Variants in KLF12 observed in about 807,000 individuals in gnomAD.
KLF12 encodes the protein Krueppel-like factor 12.
In KLF12, 9 loss-of-function variants were observed where a neutral mutation model predicts 37.8. That is an observed-to-expected ratio of 0.24 (90% CI 0.14 to 0.42). KLF12 has a LOEUF of 0.42. KLF12 is among the 10% of genes least tolerant of loss of function. The pLI is 1.00. For missense variants in KLF12, 411 were observed against 516.0 expected (o/e 0.80, Z 1.97); for synonymous variants, 208 against 202.1 (o/e 1.03, Z -0.25).
chr13:73,949,775 C>G (rs1344321427), intron 2 of KLF12, among the ~76,000 whole-genome samples: 2 of 152,160 alleles, frequency 1.3e-5, no homozygotes, highest in South Asian at 4.1e-4. Flanking sequence ...AATCAAAGTA[C>G]CAGAAGTGGG....
chr13:74,128,399 C>G (rs1215631761), intron 1 of KLF12, among the ~76,000 whole-genome samples: 1 of 93,030 alleles, frequency 1.1e-5, no homozygotes, highest in East Asian at 9.2e-4. Context: ...AGTGCTTTTC[C>G]TATCAAATCA....
At chr13:74,080,937 TA>T (rs1284883579) in intron 1 of KLF12, among the ~76,000 whole-genome samples, 3 of 152,158 alleles carry the variant, frequency 2.0e-5, no homozygotes, top group African/African-American at 7.2e-5. Context: ...ACTGAACTGA[TA>T]ACAGTGGGAG....
intron 3 of KLF12, among the ~76,000 whole-genome samples, chr13:73,864,506 T>A (rs571327958): frequency 3.9e-5 from 6 of 152,064 alleles, no homozygotes; most frequent in Non-Finnish European, 8.8e-5. Flanking sequence ...AGATTGTAAA[T>A]AGTCCCCAGT....
intron 3 of KLF12, among the ~76,000 whole-genome samples, chr13:73,942,970 T>C (rs1890255376): frequency 6.6e-6 from 1 of 152,208 alleles, no homozygotes; most frequent in Admixed American, 6.5e-5. Context: ...ATCCATAACC[T>C]TGAATGTTCT....
intron 5 of KLF12, among the ~76,000 whole-genome samples, chr13:73,797,967 T>C (rs1196061333): frequency 6.6e-6 from 1 of 152,122 alleles, no homozygotes; most frequent in Non-Finnish European, 1.5e-5. Flanking sequence ...TATTACTCAT[T>C]TTCATGACTA....
At chr13:73,742,420 CT>C (rs1406613450) in intron 6 of KLF12, among the ~76,000 whole-genome samples, 3 of 152,092 alleles carry the variant, frequency 2.0e-5, no homozygotes, top group Non-Finnish European at 2.9e-5. Context: ...TTTCATTGAA[CT>C]TTTTGGTATT....
chr13:73,915,000 A>T (rs1888749094), intron 3 of KLF12, among the ~76,000 whole-genome samples: 1 of 152,204 alleles, frequency 6.6e-6, no homozygotes. Context: ...GGAAGCCTGA[A>T]GTCCAAAATA....
upstream of KLF12, among the ~76,000 whole-genome samples, chr13:74,134,059 C>T (rs1054297342): frequency 5.3e-5 from 8 of 151,778 alleles, no homozygotes; most frequent in Admixed American, 2.0e-4. Context: ...GGGAGCCTCG[C>T]CAGGCCCGCA....
chr13:73,752,632 CCTT>C (rs1222541522), intron 6 of KLF12, among the ~76,000 whole-genome samples: 2 of 152,138 alleles, frequency 1.3e-5, no homozygotes, highest in African/African-American at 2.4e-5. Flanking sequence ...CCACTTCTCT[CCTT>C]CTGTGGATAC....
intron 4 of KLF12, among the ~76,000 whole-genome samples, chr13:73,833,130 A>C (rs1005375195): frequency 1.3e-5 from 2 of 152,264 alleles, no homozygotes; most frequent in South Asian, 4.1e-4. Flanking sequence ...TTACTATTAT[A>C]TAAGAAACTT....
intron 1 of KLF12, among the ~76,000 whole-genome samples, chr13:74,013,117 C>G (rs1892591596): frequency 6.6e-6 from 1 of 152,336 alleles, no homozygotes; most frequent in Admixed American, 6.5e-5. Context: ...AAAGGCCCCT[C>G]ATGGGAACGG....
In KLF12 at chr13:73,695,630, T is replaced by C; in HGVS notation, c.1069A>G (p.Lys357Glu). The C allele has an allele frequency of 6.2e-7, 1 of 1,614,090 alleles. No homozygotes were observed. The highest frequency in any genetic ancestry group is 1.1e-5 in the South Asian group (1 of 91,082). The stretch of plus-strand genomic sequence containing the variant: ...GTCAGTTCATCTGAACGAGCGAACT[T>C]CCAGGTGCAGCCTTCCCAGGTACAC... Residue 357 changes from lysine to glutamate, a missense_variant, in exon 8 of 8, where the codon AAG becomes GAG. This residue lies in a region of KLF12 where 60 missense variants were observed against 118.2 expected (regional missense o/e 0.51). Coordinates refer to ENST00000377669, the MANE Select transcript of KLF12 (RefSeq NM_007249.5).
At chr13:73,943,465 T>C (rs528996988) in intron 3 of KLF12, among the ~76,000 whole-genome samples, 1 of 152,316 alleles carries the variant, frequency 6.6e-6, no homozygotes, top group East Asian at 1.9e-4. Flanking sequence ...TAAATAATCT[T>C]TCTTTCGCTT....
At chr13:73,999,600 C>T (rs957800981) in intron 1 of KLF12, among the ~76,000 whole-genome samples, 1 of 150,864 alleles carries the variant, frequency 6.6e-6, no homozygotes, top group Non-Finnish European at 1.5e-5. Context: ...ATTAGCCAGG[C>T]GTGGTGGCGG....
chr13:73,714,321 A>G (rs1323242765), intron 7 of KLF12, among the ~76,000 whole-genome samples: 1 of 152,176 alleles, frequency 6.6e-6, no homozygotes, highest in Non-Finnish European at 1.5e-5. Context: ...GAGAGAGAAC[A>G]TGGGCTAAAT....
rs561511159 is a variant in KLF12, at chr13:73,952,689, C to G, written c.34-8619G>C. 3.3e-5 allele frequency among the ~76,000 whole-genome samples: 5 copies of G among 152,292 alleles called. No homozygotes were observed. The East Asian group carries it at 7.7e-4, about 24-fold the overall frequency. On this transcript the variant is annotated intron_variant, in intron 2 of 7. Coordinates refer to ENST00000377669, the MANE Select transcript of KLF12 (RefSeq NM_007249.5). ...GACGGAAAGGCTCCCTGCCTTAAGA[C>G]AGCTTGACGTAAAAGGGGAAGAAAA...
chr13:73,783,474 G>A (rs565414470), intron 5 of KLF12, among the ~76,000 whole-genome samples: 1 of 152,228 alleles, frequency 6.6e-6, no homozygotes, highest in East Asian at 1.9e-4. Context: ...TGAAACAAAA[G>A]ATTTAGAATG....
At chr13:73,808,158 G>GTTA (rs1286472132) in intron 5 of KLF12, among the ~76,000 whole-genome samples, 77 of 152,034 alleles carry the variant, frequency 5.1e-4, no homozygotes, top group Non-Finnish European at 8.4e-4. Context: ...AGTTGTTAAG[G>GTTA]GTAATGACCC....
intron 5 of KLF12, chr13:73,801,769 T>C (rs1183784327): frequency 6.9e-6 from 1 of 144,688 alleles, no homozygotes; most frequent in Non-Finnish European, 1.6e-5. Flanking sequence ...TAGAAATTAC[T>C]AACACTAAAA....
Sources: allele counts gnomAD v4.1 joint callset (sites outside exome capture counted in the v4.1 genomes callset), GRCh38; gene constraint gnomAD v4.1.1; regional missense constraint gnomAD v4.1.1; transcripts MANE v1.5; gene names NCBI Gene and HGNC (gene_info 2026-07-23, HGNC 2026-07-21).